BFSP1: variants seen among roughly 807,000 people sequenced by gnomAD.
BFSP1 encodes filensin.
BFSP1 carries 38 observed loss-of-function variants against 43.9 expected under a neutral mutation model. The ratio of observed to expected loss-of-function variants is 0.87; its 90% CI spans 0.67 to 1.14. The LOEUF (loss-of-function observed/expected upper bound fraction) is 1.14. Among genes scored for constraint, BFSP1 ranks in the 50% most tolerant of loss-of-function variants. The probability of loss-of-function intolerance (pLI) is 0.00; values close to 1 mark genes in which losing one functional copy is unlikely to be tolerated. For synonymous variants in BFSP1, 352 were observed against 354.8 expected (o/e 0.99, Z 0.09); for missense variants, 850 against 875.1 (o/e 0.97, Z 0.36).
At chr20:17,553,953 G>T (rs1019864599) in intron 1 of BFSP1, among the ~76,000 whole-genome samples, 5 of 148,018 alleles carry the variant, frequency 3.4e-5, no homozygotes, top group African/African-American at 1.2e-4. Flanking sequence ...ATTATCTTTG[G>T]CACAAAGATA....
chr20:17,504,565 C>T (rs1401769745), intron 5 of BFSP1, among the ~76,000 whole-genome samples: 4 of 152,128 alleles, frequency 2.6e-5, no homozygotes, highest in South Asian at 2.1e-4. Flanking sequence ...GAGGCAGGAC[C>T]GGTCCTGGGA....
chr20:17,553,100 G>A (rs549436866), intron 1 of BFSP1, among the ~76,000 whole-genome samples: 1 of 152,314 alleles, frequency 6.6e-6, no homozygotes, highest in East Asian at 1.9e-4. Flanking sequence ...CAGCAAAGGA[G>A]CCTGAAAAGG....
Position 17,494,617 on chromosome 20 carries a change from A to G in BFSP1, c.1455T>C (p.Tyr485=). Reference sequence around the variant, plus strand: ...CACCTTTAGCTGTGATGGAGGAGACATAGAATCTAGGGTCCACGTAATTGG... The same window carrying G: ...CACCTTTAGCTGTGATGGAGGAGACGTAGAATCTAGGGTCCACGTAATTGG... The part of the protein sequence containing the change: ...GDANYVDPRF[Y]VSSITAKGGV... The change falls in exon 8 of 8, where the codon TAT becomes TAC. Residue 485 remains tyrosine (Y), a synonymous_variant. Coordinates refer to ENST00000377873, the MANE Select transcript of BFSP1 (RefSeq NM_001195.5). The G allele has an allele frequency of 6.2e-7, 1 of 1,614,232 alleles. No homozygotes were observed. The highest frequency in any genetic ancestry group is 8.5e-7 in the Non-Finnish European group (1 of 1,180,032).
intron 2 of BFSP1, among the ~76,000 whole-genome samples, chr20:17,519,406 G>A (rs1453352933): frequency 3.3e-5 from 5 of 152,172 alleles, no homozygotes; most frequent in Admixed American, 2.6e-4. Flanking sequence ...CAAGCAACTC[G>A]ATGCAACATG....
In BFSP1 at chr20:17,522,763, T is replaced by TAGAAAG. The variant is rs201195120; in HGVS notation, c.438+2084_438+2085insCTTTCT. On this transcript the variant is annotated intron_variant, in intron 2 of 7. Transcript: ENST00000377873. ...CAAGTCATATACATTATTACATCAT[T>TAGAAAG]TAGTTCTCACTAGGCACTTTCACTC... Among the ~76,000 whole-genome samples the TAGAAAG allele has an allele frequency of 1.4e-3, 220 of 152,324 alleles. 3 individuals are homozygous for TAGAAAG. The East Asian group carries it at 0.038, about 26-fold the overall frequency.
rs2034528929 is a variant in BFSP1, at chr20:17,531,189, G to A, written c.141C>T (p.Leu47=). Residue 47 remains leucine, a synonymous_variant, in exon 1 of 8, where the codon CTC becomes CTT. Transcript: ENST00000377873. ...GGACGTGGGCGGCCACGCGCTCGCC[G>A]AGCCCCTGCAGCGCCGCCAGGCTCG... is the stretch of plus-strand genomic sequence containing the variant. ...GATSLAALQG[L]GERVAAHVQR... 5 of 1,299,620 alleles carry A rather than the reference G, an allele frequency of 3.8e-6. No homozygotes were observed. The Admixed American group carries it at 1.5e-4, about 40-fold the overall frequency. 80.5% of individuals were successfully genotyped at this position (1,299,620 alleles called of 1,614,324 possible). A position where few individuals can be genotyped will look rare whatever the true frequency, so the allele number is the denominator to read the frequency against.
At chr20:17,527,224 T>C (rs2034440193) in intron 1 of BFSP1, among the ~76,000 whole-genome samples, 1 of 152,268 alleles carries the variant, frequency 6.6e-6, no homozygotes, top group South Asian at 2.1e-4. Flanking sequence ...GTTTATTTTG[T>C]GTGTTGCAAT....
upstream of BFSP1, among the ~76,000 whole-genome samples, chr20:17,533,761 A>AT (rs2034586760): frequency 6.6e-6 from 1 of 152,252 alleles, no homozygotes; most frequent in Non-Finnish European, 1.5e-5. Context: ...TCGACCACAC[A>AT]TGGCAATACC....
intron 1 of BFSP1, chr20:17,558,577 C>A: frequency 8.2e-7 from 1 of 1,217,528 alleles, no homozygotes. Flanking sequence ...AACAAATGTG[C>A]AACCCGCTTG....
intron 1 of BFSP1, among the ~76,000 whole-genome samples, chr20:17,550,301 T>C (rs2034874410): frequency 6.6e-6 from 1 of 152,000 alleles, no homozygotes; most frequent in Non-Finnish European, 1.5e-5. Context: ...GTCTCATCTT[T>C]GTTTTAAATT....
chr20:17,542,503 G>A (rs1418870627), intron 1 of BFSP1, among the ~76,000 whole-genome samples: 1 of 152,070 alleles, frequency 6.6e-6, no homozygotes, highest in Non-Finnish European at 1.5e-5. Context: ...GGAGGCTGAG[G>A]TGGGAGGATC....
chr20:17,533,500 G>T (rs1258336777), upstream of BFSP1, among the ~76,000 whole-genome samples: 1 of 152,208 alleles, frequency 6.6e-6, no homozygotes, highest in African/African-American at 2.4e-5. Context: ...GGGCTGCTCT[G>T]CTCCCAATGT....
chr20:17,508,632 G>C (rs1010508671), intron 5 of BFSP1, among the ~76,000 whole-genome samples: 4 of 152,170 alleles, frequency 2.6e-5, no homozygotes, highest in Non-Finnish European at 5.9e-5. Context: ...GAGTCCCAAG[G>C]GGCACCTCTG....
intron 1 of BFSP1, among the ~76,000 whole-genome samples, chr20:17,526,583 G>T (rs1379583723): frequency 6.6e-6 from 1 of 152,132 alleles, no homozygotes; most frequent in Non-Finnish European, 1.5e-5. Context: ...GGACACTTGG[G>T]TTGCTTCTAC....
intron 1 of BFSP1, among the ~76,000 whole-genome samples, chr20:17,545,549 A>G (rs2034785865): frequency 6.6e-6 from 1 of 152,238 alleles, no homozygotes; most frequent in South Asian, 2.1e-4. Context: ...GCAGGAGCCT[A>G]AGACAGCCAG....
Position 17,514,853 on chromosome 20 carries a change from C to T in BFSP1, c.439-37G>A, listed in dbSNP as rs745483818. On this transcript the variant is annotated intron_variant, in intron 2 of 7. Transcript: ENST00000377873. ...GCCACATATCCCTGGCCACAGGCAC[C>T]ATGGAGCATAGGGGTAAAGCTGGCC... The T allele has an allele frequency of 4.4e-6, 7 of 1,593,822 alleles. No homozygotes were observed. The East Asian group carries it at 1.1e-4, about 25-fold the overall frequency.
At chr20:17,522,856 G>A (rs894680559) in intron 2 of BFSP1, among the ~76,000 whole-genome samples, 4 of 152,192 alleles carry the variant, frequency 2.6e-5, no homozygotes, top group Non-Finnish European at 5.9e-5. Context: ...GAGGGACAAG[G>A]CAATTGGCCC....
chr20:17,514,889 G>C, intron 2 of BFSP1, 73 bp from the exon 3 acceptor site: 1 of 1,334,760 alleles, frequency 7.5e-7, no homozygotes, highest in East Asian at 2.3e-5. Context: ...GGGTATATGA[G>C]CACACAGACC....
intron 1 of BFSP1, among the ~76,000 whole-genome samples, chr20:17,529,946 A>G (rs1056220883): frequency 6.6e-6 from 1 of 152,198 alleles, no homozygotes; most frequent in Non-Finnish European, 1.5e-5. Context: ...AATGTTGACA[A>G]ATTGCATCTT....
Sources: gnomAD v4.1 joint callset for allele counts (sites outside exome capture counted in the v4.1 genomes callset) on GRCh38, gnomAD v4.1.1 for gene constraint, MANE v1.5 for transcripts, NCBI Gene and HGNC (gene_info 2026-07-23, HGNC 2026-07-21) for gene names.